The following ADGRL4 variants were observed in gnomAD, a reference collection of about 807,000 sequenced individuals.
The protein encoded by ADGRL4 is EGF, latrophilin and seven transmembrane domain containing 1.
A neutral mutation model predicts 74.8 loss-of-function variants in ADGRL4; 90 were observed. The ratio of observed to expected loss-of-function variants is 1.20; its 90% CI spans 1.02 to 1.43. The LOEUF (loss-of-function observed/expected upper bound fraction) is 1.43, where lower values mean the gene tolerates loss of function less well. Ranked by LOEUF, ADGRL4 falls within the 40% of genes most tolerant of loss-of-function variation. ADGRL4 has a pLI of 0.00. For synonymous variants in ADGRL4, 311 were observed against 279.2 expected, an observed-to-expected ratio of 1.11 and a Z score of -1.14; for missense variants, 881 against 814.3, an observed-to-expected ratio of 1.08 and a Z score of -1.00.
Position 78,978,307 on chromosome 1 carries a change from A to G in ADGRL4, c.172+26763T>C, listed in dbSNP as rs568830908. 9.4e-4 allele frequency among the ~76,000 whole-genome samples: 143 copies of G among 152,058 alleles called. 1 individual carries two copies. Among genetic ancestry groups the G allele is most frequent in the Non-Finnish European group, 1.4e-3 (97 of 67,914 alleles). The stretch of plus-strand genomic sequence containing the variant: ...TTCTTGCCTTCTGTGAAGATTCAAC[A>G]TAGATCATTTATTGTCATTACTGAA... On this transcript the variant is annotated intron_variant, in intron 2 of 14. Transcript: ENST00000370742.
intron 2 of ADGRL4, among the ~76,000 whole-genome samples, chr1:78,981,684 C>G (rs564418816): frequency 6.6e-6 from 1 of 151,740 alleles, no homozygotes; most frequent in Admixed American, 6.6e-5. Context: ...TATGGTCTTA[C>G]AGAAATAAAT....
At position 78,890,336 on chromosome 1, in the gene ADGRL4, T is replaced by A. The variant is rs928115877; in HGVS notation, c.*818A>T. The A allele has an allele frequency of 2.6e-5, 4 of 152,194 alleles. No homozygotes were observed. The highest frequency in any genetic ancestry group is 9.6e-5 in the African/African-American group (4 of 41,456). 9.4% of individuals were successfully genotyped at this position (152,194 alleles called of 1,614,324 possible). A position where few individuals can be genotyped will look rare whatever the true frequency, so the allele number is the denominator to read the frequency against. On this transcript the variant is annotated 3_prime_UTR_variant, in exon 15 of 15. Coordinates refer to ENST00000370742, the MANE Select transcript of ADGRL4 (RefSeq NM_022159.4). ...CTTTATTACACTGTTTTTACATTGA[T>A]AGGTATAAACAATATTATATCTTGA...
chr1:78,925,455 A>G (rs1557499689), intron 8 of ADGRL4, among the ~76,000 whole-genome samples: 1 of 152,050 alleles, frequency 6.6e-6, no homozygotes, highest in African/African-American at 2.4e-5. Flanking sequence ...TACTGTTACT[A>G]TTCTTCTGAG....
intron 12 of ADGRL4, among the ~76,000 whole-genome samples, chr1:78,896,275 G>A (rs752743300): frequency 1.3e-5 from 2 of 151,992 alleles, no homozygotes; most frequent in African/African-American, 2.4e-5. Flanking sequence ...CATTATAACT[G>A]ATTAAATTCT....
intron 3 of ADGRL4, among the ~76,000 whole-genome samples, chr1:78,943,985 A>C (rs11583810): frequency 0.12 from 18,403 of 152,168 alleles, 1,269 homozygotes; most frequent in East Asian, 0.33. Flanking sequence ...TTCCACCTTA[A>C]CACAATAGAA....
In ADGRL4 at chr1:78,960,247, A is replaced by G. The variant is rs536522577; in HGVS notation, c.173-13821T>C. 2.4e-3 allele frequency among the ~76,000 whole-genome samples: 373 copies of G among 152,316 alleles called. 3 individuals are homozygous for G. The highest frequency in any genetic ancestry group is 5.6e-3 in the South Asian group (27 of 4,822). On this transcript the variant is annotated intron_variant, in intron 2 of 14. Coordinates refer to ENST00000370742, the MANE Select transcript of ADGRL4 (RefSeq NM_022159.4). ...ATAATGGTTTTTCTAAAACTATTAA[A>G]TTTTGCAAAAACTAGTCCGATTTTA...
At position 78,965,579 on chromosome 1, in the gene ADGRL4, C is replaced by G. The variant is rs578010282; in HGVS notation, c.173-19153G>C. Among the ~76,000 whole-genome samples the G allele has an allele frequency of 1.3e-3, 198 of 152,290 alleles. 1 individual carries two copies. The highest frequency in any genetic ancestry group is 4.5e-3 in the African/African-American group (188 of 41,568). On this transcript the variant is annotated intron_variant, in intron 2 of 14. Coordinates refer to ENST00000370742, the MANE Select transcript of ADGRL4 (RefSeq NM_022159.4). ...CTAGAAACTTCTTTTAAATAACCTA[C>G]TCCAAAGACCAATATCTGGATATAA...
At chr1:78,945,177 A>AAAAAAAAATATATAT (rs376405445) in intron 3 of ADGRL4, among the ~76,000 whole-genome samples, 148 of 127,880 alleles carry the variant, frequency 1.2e-3, no homozygotes, top group East Asian at 6.1e-3. Flanking sequence ...AAAAAAAAAA[A>AAAAAAAAATATATAT]ATATATATAT....
In ADGRL4 at chr1:78,893,674, C is replaced by T. The variant is rs12066056; in HGVS notation, c.1750-485G>A. Among the ~76,000 whole-genome samples the T allele has an allele frequency of 1.5e-3, 229 of 151,980 alleles. 3 individuals carry two copies. Among genetic ancestry groups the T allele is most frequent in the African/African-American group, 5.1e-3 (211 of 41,538 alleles). On this transcript the variant is annotated intron_variant, in intron 12 of 14. Transcript: ENST00000370742. ...GGAAATGTTTGAATGTACTTTCTCT[C>T]GTATGATTTATCTAGATTCTCTCCT...
At position 78,976,043 on chromosome 1, in the gene ADGRL4, C is replaced by G. The variant is rs548801255; in HGVS notation, c.172+29027G>C. The stretch of plus-strand genomic sequence containing the variant: ...AATACATGACTGCCCCAGCTTACTG[C>G]TTTGAGAGAGTTCAAGAGGCTATGA... On this transcript the variant is annotated intron_variant, in intron 2 of 14. Transcript: ENST00000370742. 2.4e-4 allele frequency among the ~76,000 whole-genome samples: 37 copies of G among 152,090 alleles called. 1 individual carries two copies. The South Asian group carries it at 4.4e-3, about 18-fold the overall frequency.
chr1:78,990,889 A>T (rs1023607628), intron 2 of ADGRL4, among the ~76,000 whole-genome samples: 1 of 151,994 alleles, frequency 6.6e-6, no homozygotes, highest in African/African-American at 2.4e-5. Flanking sequence ...GCACCAGGAA[A>T]TCTGGCATAA....
chr1:78,949,854 A>C, intron 2 of ADGRL4, among the ~76,000 whole-genome samples: 1 of 152,318 alleles, frequency 6.6e-6, no homozygotes, highest in Non-Finnish European at 1.5e-5. Context: ...TATTGTAGAT[A>C]TATTTTAAAA....
intron 13 of ADGRL4, among the ~76,000 whole-genome samples, 185 bp downstream of exon 13, chr1:78,892,913 C>T (rs180884796): frequency 8.5e-5 from 13 of 152,104 alleles, no homozygotes; most frequent in Admixed American, 7.2e-4. Flanking sequence ...CTTCTTACCA[C>T]TGAATCTGCA....
At chr1:78,978,814 G>T (rs1650343860) in intron 2 of ADGRL4, among the ~76,000 whole-genome samples, 1 of 151,980 alleles carries the variant, frequency 6.6e-6, no homozygotes, top group East Asian at 1.9e-4. Context: ...GAGGTGCAAA[G>T]TTTGGAGGCA....
chr1:79,004,121 G>A (rs1650909004), intron 2 of ADGRL4, among the ~76,000 whole-genome samples: 1 of 151,996 alleles, frequency 6.6e-6, no homozygotes, highest in Admixed American at 6.6e-5. Context: ...GCAAACACAT[G>A]CAATATTAAC....
chr1:78,988,414 T>G (rs529094849), intron 2 of ADGRL4, among the ~76,000 whole-genome samples: 33 of 151,972 alleles, frequency 2.2e-4, no homozygotes, highest in Non-Finnish European at 3.8e-4. Flanking sequence ...TACTTTTCAT[T>G]TATTGGAAAA....
rs993226560 is a variant in ADGRL4, at chr1:78,920,062, C to G, written c.1461+121G>C. The G allele has an allele frequency of 6.9e-6, 5 of 727,588 alleles. No homozygotes were observed. In the African/African-American group the frequency reaches 9.1e-5, roughly 13 times the overall value. The allele number at this position is 727,588 out of a possible 1,614,324, so 45.1% of individuals were successfully genotyped here. A position where few individuals can be genotyped will look rare whatever the true frequency, so the allele number is the denominator to read the frequency against. On this transcript the variant is annotated intron_variant, in intron 10 of 14. Transcript: ENST00000370742. ...AAACTTAGAAAGGATAGCTGAAGAA[C>G]AAATTATAGAGAACGTCTGCCCCAT...
At chr1:78,912,780 A>T (rs959521005) in intron 12 of ADGRL4, among the ~76,000 whole-genome samples, 1 of 151,934 alleles carries the variant, frequency 6.6e-6, no homozygotes, top group Non-Finnish European at 1.5e-5. Flanking sequence ...TTTAAAAAAA[A>T]TTGGCAAATG....
chr1:78,981,744 G>T (rs943800323), intron 2 of ADGRL4, among the ~76,000 whole-genome samples: 2 of 151,650 alleles, frequency 1.3e-5, no homozygotes, highest in Admixed American at 1.3e-4. Context: ...AAAAGTGTCT[G>T]CTATGAATAA....
Sources: allele counts gnomAD v4.1 joint callset (sites outside exome capture counted in the v4.1 genomes callset), GRCh38; gene constraint gnomAD v4.1.1; transcripts MANE v1.5; gene names NCBI Gene and HGNC (gene_info 2026-07-23, HGNC 2026-07-21).